Variants in SNX27 observed in about 807,000 individuals in gnomAD.
SNX27 encodes the protein sorting nexin-27.
SNX27 carries 22 observed loss-of-function variants against 71.6 expected under a neutral mutation model. That is an observed-to-expected ratio of 0.31 (90% CI 0.22 to 0.44). The LOEUF is 0.44. SNX27 is among the 20% of genes least tolerant of loss of function. The pLI is 1.00. For synonymous variants in SNX27, 269 were observed against 277.2 expected (o/e 0.97, Z 0.29); for missense variants, 531 against 698.6 (o/e 0.76, Z 2.70).
In SNX27 at chr1:151,665,923, TTAA is replaced by T; in HGVS notation, c.907-9_907-7del. The T allele has an allele frequency of 6.3e-7, 1 of 1,595,186 alleles. No individual in the cohort carries two copies. Among genetic ancestry groups the T allele is most frequent in the Non-Finnish European group, 8.6e-7 (1 of 1,167,926 alleles). Reference sequence around the variant, plus strand: ...TTTTCTTGAAACCAATCTATCCTGTTTAACCTTAGGCTATCGCAGCAAAGGTTG... The same window carrying T: ...TTTTCTTGAAACCAATCTATCCTGTTCCTTAGGCTATCGCAGCAAAGGTTG... On this transcript the variant is annotated splice_region_variant and splice_polypyrimidine_tract_variant and intron_variant, in intron 5 of 11. Coordinates refer to ENST00000458013, the MANE Select transcript of SNX27 (RefSeq NM_001330723.2).
Position 151,692,485 on chromosome 1 carries a change from C to G in SNX27, c.1290C>G (p.Pro430=), listed in dbSNP as rs764241666. The change falls in exon 9 of 12, where the codon CCC becomes CCG. Residue 430 remains proline, a synonymous_variant. Transcript: ENST00000458013. ...TCEGYNEIIF[P]HCACDSRRKG... ...AGGGCTACAATGAAATCATCTTTCC[C>G]CACTGTGCCTGTGACTCCAGGAGGA... is the stretch of plus-strand genomic sequence containing the variant. 5.0e-6 allele frequency: 8 copies of G among 1,591,610 alleles called. No individual in the cohort carries two copies. Among genetic ancestry groups the G allele is most frequent in the Admixed American group, 1.7e-5 (1 of 58,412 alleles).
rs938393499 is a variant in SNX27, at chr1:151,612,646, C to G, written c.311+134C>G. ...GGCCTCCGGACCCCCGCCCCTCAGG[C>G]CTCCGCAGCCGGGCCCCTCCTTGTG... On this transcript the variant is annotated intron_variant, in intron 1 of 11. Coordinates refer to ENST00000458013, the MANE Select transcript of SNX27 (RefSeq NM_001330723.2). The surrounding 1 kb of genome is among the most constrained non-coding windows in gnomAD (Gnocchi z 5.2). The G allele has an allele frequency of 1.5e-6, 1 of 677,604 alleles. No individual in the cohort carries two copies. Among genetic ancestry groups the G allele is most frequent in the Non-Finnish European group, 2.1e-6 (1 of 470,398 alleles). 42.0% of individuals were successfully genotyped at this position (677,604 alleles called of 1,614,324 possible).
At chr1:151,658,680 G>A (rs1669812478) in intron 3 of SNX27, among the ~76,000 whole-genome samples, 1 of 152,122 alleles carries the variant, frequency 6.6e-6, no homozygotes, top group Admixed American at 6.6e-5. Flanking sequence ...TGCATTTGGT[G>A]ATGCCTAATG....
intron 8 of SNX27, among the ~76,000 whole-genome samples, chr1:151,690,207 T>A (rs368066451): frequency 6.6e-6 from 1 of 152,176 alleles, no homozygotes; most frequent in African/African-American, 2.4e-5. Context: ...TCCCCTTGTA[T>A]CCATTACCCA....
chr1:151,673,831 T>G lies in SNX27; in HGVS notation c.1149+5196T>G, dbSNP rs752044679. On this transcript the variant is annotated intron_variant, in intron 7 of 11. Transcript: ENST00000458013. ...CCTATATTTTTGTCTTACAATCTAT[T>G]TTGTCTGATATAAGTATAGCTACTT... Among the ~76,000 whole-genome samples, 16 of 152,198 alleles carry G rather than the reference T, an allele frequency of 1.1e-4. 1 individual carries two copies. Among genetic ancestry groups the G allele is most frequent in the Non-Finnish European group, 2.1e-4 (14 of 68,030 alleles).
At position 151,693,003 on chromosome 1, in the gene SNX27, G is replaced by C. The variant is rs1223814539; in HGVS notation, c.1482G>C (p.Glu494Asp). 6.2e-7 allele frequency: 1 copy of C among 1,614,188 alleles called. No homozygotes were observed. Among genetic ancestry groups the C allele is most frequent in the Non-Finnish European group, 8.5e-7 (1 of 1,180,026 alleles). ...MAFCFEYARG[E>D]KKPRWVKIFT... is the part of the protein sequence containing the mutation. ...TCTGTTTCGAATATGCACGAGGAGAGAAGAAGCCCCGATGGGTTAAAATCT... is the reference window on the plus strand; with the variant it reads ...TCTGTTTCGAATATGCACGAGGAGACAAGAAGCCCCGATGGGTTAAAATCT... The change falls in exon 10 of 12, where the codon GAG becomes GAC. Residue 494 changes from glutamate (E) to aspartate (D), a missense_variant. Coordinates refer to ENST00000458013, the MANE Select transcript of SNX27 (RefSeq NM_001330723.2).
Position 151,612,353 on chromosome 1 carries a change from C to T in SNX27, c.152C>T (p.Ser51Phe), listed in dbSNP as rs774265583. 12 of 1,548,614 alleles carry T rather than the reference C, an allele frequency of 7.7e-6. No individual in the cohort carries two copies. In the South Asian group the frequency reaches 1.4e-4, roughly 18 times the overall value. Reference sequence around the variant, plus strand: ...GTCGTGCGCATCGTCAAGTCCGAGTCCGGCTACGGCTTCAACGTGCGGGGC... The same window carrying T: ...GTCGTGCGCATCGTCAAGTCCGAGTTCGGCTACGGCTTCAACGTGCGGGGC... ...PRVVRIVKSE[S>F]GYGFNVRGQV... The change falls in exon 1 of 12, where the codon TCC becomes TTC. Residue 51 changes from serine (S) to phenylalanine (F), a missense_variant. Physicochemically the swap from Ser to Phe is radical, Grantham distance 155. Coordinates refer to ENST00000458013, the MANE Select transcript of SNX27 (RefSeq NM_001330723.2). The surrounding 1 kb of genome is among the most constrained non-coding windows in gnomAD (Gnocchi z 5.2).
chr1:151,655,128 A>G (rs1196462), intron 2 of SNX27, among the ~76,000 whole-genome samples: 61,815 of 151,574 alleles, frequency 0.41, 14,424 homozygotes, highest in Non-Finnish European at 0.55. Flanking sequence ...TTCTCCTGGC[A>G]TACAGTTAAG....
Position 151,624,436 on chromosome 1 carries a change from T to TGTA in SNX27, c.311+11924_311+11925insGTA, listed in dbSNP as rs1337558489. ...ATATATATATATATATATATATGTA[T>TGTA]TTTTTTTTTTTTTGCGATGGAGTCT... On this transcript the variant is annotated intron_variant, in intron 1 of 11. Transcript: ENST00000458013. Among the ~76,000 whole-genome samples the TGTA allele has an allele frequency of 2.1e-3, 275 of 131,162 alleles. 1 individual carries two copies. Among genetic ancestry groups the TGTA allele is most frequent in the Middle Eastern group, 8.1e-3 (2 of 246 alleles). 86.0% of individuals were successfully genotyped at this position (131,162 alleles called of 152,430 possible). A position where few individuals can be genotyped will look rare whatever the true frequency, so the allele number is the denominator to read the frequency against.
intron 8 of SNX27, among the ~76,000 whole-genome samples, chr1:151,689,557 T>C (rs1437484097): frequency 6.6e-6 from 1 of 152,244 alleles, no homozygotes; most frequent in Non-Finnish European, 1.5e-5. Flanking sequence ...AATTAGAGAT[T>C]GTGGCAGAAA....
At position 151,698,115 on chromosome 1, in the gene SNX27, A is replaced by T. The variant is rs200263814; in HGVS notation, c.*3698A>T. On this transcript the variant is annotated 3_prime_UTR_variant, in exon 12 of 12. Transcript: ENST00000458013. ...GCTCCTAGGCCTGGACTGAGCTCTC[A>T]GGGGGGAATTAGATAAATATTCCAA... The T allele has an allele frequency of 7.8e-6, 1 of 128,090 alleles. No individual in the cohort carries two copies. Among genetic ancestry groups the T allele is most frequent in the Non-Finnish European group, 1.5e-5 (1 of 67,190 alleles). The allele number at this position is 128,090 out of a possible 1,614,324, so 7.9% of individuals were successfully genotyped here.
intron 7 of SNX27, 31 bp downstream of exon 7, chr1:151,668,666 A>G (rs1201196603): frequency 2.5e-6 from 4 of 1,595,874 alleles, no homozygotes; most frequent in Non-Finnish European, 3.4e-6. Flanking sequence ...GAAAGGCACA[A>G]TTTCTTTTTA....
intron 1 of SNX27, among the ~76,000 whole-genome samples, chr1:151,620,198 G>T (rs1392109699): frequency 6.6e-6 from 1 of 152,238 alleles, no homozygotes; most frequent in East Asian, 1.9e-4. Flanking sequence ...GTTGCAGTAA[G>T]ATTTTAAAAA....
chr1:151,655,758 A>T (rs1278175924), intron 2 of SNX27, among the ~76,000 whole-genome samples: 2 of 152,200 alleles, frequency 1.3e-5, no homozygotes, highest in Admixed American at 6.5e-5. Flanking sequence ...TACCACCTGG[A>T]AGTCCACAGA....
In SNX27 at chr1:151,696,490, T is replaced by TTTCGTTCTTTCGTTCTTTCG. The variant is rs1553267117; in HGVS notation, c.*2076_*2077insGTTCTTTCGTTCTTTCGTTC. On this transcript the variant is annotated 3_prime_UTR_variant, in exon 12 of 12. Coordinates refer to ENST00000458013, the MANE Select transcript of SNX27 (RefSeq NM_001330723.2). The stretch of plus-strand genomic sequence containing the variant: ...CTTTCTTTCTTTCTTTCTTTCTTTC[T>TTTCGTTCTTTCGTTCTTTCG]TTCTTTCTTTCTTTCGTTCTTTCGT... 10 of 95,760 alleles carry TTTCGTTCTTTCGTTCTTTCG rather than the reference T, an allele frequency of 1.0e-4. No homozygotes were observed. Among genetic ancestry groups the TTTCGTTCTTTCGTTCTTTCG allele is most frequent in the Non-Finnish European group, 1.9e-4 (9 of 46,594 alleles). 5.9% of individuals were successfully genotyped at this position (95,760 alleles called of 1,614,324 possible). A position where few individuals can be genotyped will look rare whatever the true frequency, so the allele number is the denominator to read the frequency against.
At position 151,668,314 on chromosome 1, in the gene SNX27, G is replaced by A. The variant is rs573171243; in HGVS notation, c.986-158G>A. ...AAAGGATATTTGGCTGGACAGATAA[G>A]GCTGTTTTGTGCTCCCAAGGCAGAA... On this transcript the variant is annotated intron_variant, in intron 6 of 11. Coordinates refer to ENST00000458013, the MANE Select transcript of SNX27 (RefSeq NM_001330723.2). Among the ~76,000 whole-genome samples the A allele has an allele frequency of 6.2e-4, 95 of 152,328 alleles. 4 individuals carry two copies. In the South Asian group the frequency reaches 0.019, roughly 31 times the overall value.
chr1:151,645,647 C>T (rs1350550684), intron 2 of SNX27, among the ~76,000 whole-genome samples: 1 of 152,202 alleles, frequency 6.6e-6, no homozygotes, highest in African/African-American at 2.4e-5. Flanking sequence ...TTTCTCTTGT[C>T]TTGGATTCTC....
At chr1:151,620,634 A>G (rs1667626679) in intron 1 of SNX27, among the ~76,000 whole-genome samples, 1 of 151,550 alleles carries the variant, frequency 6.6e-6, no homozygotes, top group Non-Finnish European at 1.5e-5. Flanking sequence ...CTTGTGTGCT[A>G]CAAGCCTGTT....
intron 7 of SNX27, among the ~76,000 whole-genome samples, chr1:151,682,424 C>T (rs1170704373): frequency 6.6e-6 from 1 of 152,090 alleles, no homozygotes; most frequent in East Asian, 1.9e-4. Flanking sequence ...TGGGTTCAAG[C>T]GATTGTCCTG....
Sources: allele counts gnomAD v4.1 joint callset (sites outside exome capture counted in the v4.1 genomes callset), GRCh38; gene constraint gnomAD v4.1.1; non-coding constraint Gnocchi (gnomAD v3.1); transcripts MANE v1.5; gene names NCBI Gene and HGNC (gene_info 2026-07-23, HGNC 2026-07-21).